Variants in HDAC9 observed in about 807,000 individuals in gnomAD.
The protein encoded by HDAC9 is histone deacetylase 9.
In HDAC9, 41 loss-of-function variants were observed where a neutral mutation model predicts 139.4. The ratio of observed to expected loss-of-function variants is 0.29; its 90% CI spans 0.23 to 0.38. The LOEUF is 0.38. HDAC9 is among the 10% of genes least tolerant of loss of function. HDAC9 has a pLI of 1.00. For missense variants in HDAC9, 1,147 were observed against 1,297.0 expected (o/e 0.88, Z 1.78); for synonymous variants, 517 against 476.2 (o/e 1.09, Z -1.12).
chr7:18,467,625 T>C (rs977839649), intron 1 of HDAC9, among the ~76,000 whole-genome samples: 8 of 152,184 alleles, frequency 5.3e-5, no homozygotes, highest in Non-Finnish European at 1.0e-4. Context: ...AAATTTTAGA[T>C]TTACAGAAAA....
chr7:18,293,785 G>T (rs1235861814), intron 1 of HDAC9, among the ~76,000 whole-genome samples: 1 of 151,972 alleles, frequency 6.6e-6, no homozygotes, highest in Non-Finnish European at 1.5e-5. Context: ...TCACCCACGG[G>T]ATTACTGCGT....
chr7:18,980,022 A>G (rs184992723), intron 25 of HDAC9, among the ~76,000 whole-genome samples: 18 of 152,304 alleles, frequency 1.2e-4, no homozygotes, highest in African/African-American at 4.3e-4. Context: ...ATTTTCATCC[A>G]GTGTCAACAA....
At chr7:18,642,863 T>C (rs1289302182) in intron 8 of HDAC9, among the ~76,000 whole-genome samples, 5 of 152,062 alleles carry the variant, frequency 3.3e-5, no homozygotes, top group Non-Finnish European at 7.4e-5. Flanking sequence ...GAAAACTCTT[T>C]TGTGAGGTCT....
At chr7:18,346,500 C>G (rs2128668049) in intron 1 of HDAC9, among the ~76,000 whole-genome samples, 1 of 152,042 alleles carries the variant, frequency 6.6e-6, no homozygotes, top group South Asian at 2.1e-4. Context: ...TTATGTTGAA[C>G]TAAAAGATAT....
At chr7:18,704,511 C>T (rs1783737484) in intron 12 of HDAC9, among the ~76,000 whole-genome samples, 1 of 152,176 alleles carries the variant, frequency 6.6e-6, no homozygotes, top group African/African-American at 2.4e-5. Context: ...CTGACATCTT[C>T]CCTTTGATAG....
chr7:18,242,254 C>T (rs934519009), intron 2 of HDAC9, among the ~76,000 whole-genome samples: 3 of 152,204 alleles, frequency 2.0e-5, no homozygotes, highest in Non-Finnish European at 2.9e-5. Context: ...ATTTGTTACA[C>T]TTTGATGGAG....
At chr7:18,739,612 T>C (rs1242304058) in intron 13 of HDAC9, among the ~76,000 whole-genome samples, 1 of 152,194 alleles carries the variant, frequency 6.6e-6, no homozygotes, top group Non-Finnish European at 1.5e-5. Flanking sequence ...ACAGCAAATA[T>C]TGCAGCCTGA....
chr7:18,289,706 A>T (rs17731305), upstream of HDAC9, among the ~76,000 whole-genome samples: 16 of 152,246 alleles, frequency 1.1e-4, no homozygotes, highest in African/African-American at 2.9e-4. Context: ...TTCTGGAGTG[A>T]CAGTGTTTTA....
intron 1 of HDAC9, among the ~76,000 whole-genome samples, chr7:18,375,641 C>T (rs116889282): frequency 0.01 from 1,524 of 152,276 alleles, 9 homozygotes; most frequent in South Asian, 0.017. Context: ...ATGGGTGCTG[C>T]AGTCCAGTGT....
chr7:18,966,044 GTTTTA>G (rs1783824038), intron 24 of HDAC9, among the ~76,000 whole-genome samples: 1 of 152,164 alleles, frequency 6.6e-6, no homozygotes, highest in East Asian at 1.9e-4. Flanking sequence ...ATTATCTATA[GTTTTA>G]TTAAGTGAGT....
chr7:18,276,904 T>C (rs1289940681), intron 2 of HDAC9, among the ~76,000 whole-genome samples: 1 of 152,182 alleles, frequency 6.6e-6, no homozygotes, highest in Non-Finnish European at 1.5e-5. Context: ...TTTGTCTTTT[T>C]CTCCTAAATT....
At chr7:18,973,137 T>C (rs1008597633) in intron 24 of HDAC9, among the ~76,000 whole-genome samples, 1 of 152,208 alleles carries the variant, frequency 6.6e-6, no homozygotes, top group African/African-American at 2.4e-5. Context: ...ATTGCCTAAA[T>C]AGTTGTCACC....
chr7:18,726,792 G>A (rs538873904), intron 12 of HDAC9, among the ~76,000 whole-genome samples: 13 of 150,880 alleles, frequency 8.6e-5, no homozygotes, highest in Non-Finnish European at 1.8e-4. Context: ...CACAAAGCTC[G>A]CTGTGTAGCA....
At chr7:18,532,833 A>G (rs1005616522) in intron 2 of HDAC9, among the ~76,000 whole-genome samples, 4 of 150,768 alleles carry the variant, frequency 2.7e-5, no homozygotes, top group African/African-American at 9.7e-5. Flanking sequence ...TTTTTTTTTT[A>G]ACTTTAATAT....
Position 18,666,157 on chromosome 7 carries a change from T to C in HDAC9, c.1468-56T>C. 4 of 1,505,924 alleles carry C rather than the reference T, an allele frequency of 2.7e-6. No homozygotes were observed. The South Asian group carries it at 5.3e-5, about 20-fold the overall frequency. 93.3% of individuals were successfully genotyped at this position (1,505,924 alleles called of 1,614,324 possible). On this transcript the variant is annotated intron_variant, in intron 11 of 25. Coordinates refer to ENST00000686413, the MANE Select transcript of HDAC9 (RefSeq NM_178425.4). The stretch of plus-strand genomic sequence containing the variant: ...TATTAGAAATCAAAGTGTAATTTGC[T>C]TCTCTGTTACCATGAAGAACTACTG...
intron 12 of HDAC9, among the ~76,000 whole-genome samples, chr7:18,713,393 A>T (rs1784482341): frequency 6.6e-6 from 1 of 152,206 alleles, no homozygotes; most frequent in Admixed American, 6.5e-5. Flanking sequence ...TTGTTAGAAG[A>T]TATGTAAGAA....
intron 2 of HDAC9, among the ~76,000 whole-genome samples, chr7:18,541,543 A>C (rs1812961857): frequency 1.3e-5 from 2 of 152,142 alleles, no homozygotes; most frequent in Admixed American, 6.5e-5. Flanking sequence ...AATGTCTAAA[A>C]TATTCCATTC....
chr7:18,949,438 G>T, intron 23 of HDAC9: 1 of 231,378 alleles, frequency 4.3e-6, no homozygotes, highest in South Asian at 6.9e-5. Flanking sequence ...AATATGCACT[G>T]GCCCTGAACT....
chr7:18,849,439 T>TA (rs1409641092), intron 21 of HDAC9, among the ~76,000 whole-genome samples: 1 of 152,196 alleles, frequency 6.6e-6, no homozygotes, highest in African/African-American at 2.4e-5. Context: ...TTCAAAATTA[T>TA]AGTAAATTGG....
Sources: allele counts gnomAD v4.1 joint callset (sites outside exome capture counted in the v4.1 genomes callset), GRCh38; gene constraint gnomAD v4.1.1; transcripts MANE v1.5; gene names NCBI Gene and HGNC (gene_info 2026-07-23, HGNC 2026-07-21).